Variants in DPP6 observed in about 807,000 individuals in gnomAD.
DPP6 encodes dipeptidyl peptidase like 6, also known as A-type potassium channel modulatory protein DPP6.
A neutral mutation model predicts 122.6 loss-of-function variants in DPP6; 69 were observed. That is an observed-to-expected ratio of 0.56 (90% confidence interval 0.46 to 0.69). The LOEUF is 0.69. Ranked by LOEUF, DPP6 falls within the 30% of genes least tolerant of loss-of-function variation. The probability of loss-of-function intolerance (pLI) is 0.00; values close to 1 mark genes in which losing one functional copy is unlikely to be tolerated. For synonymous variants in DPP6, 418 were observed against 433.1 expected, an observed-to-expected ratio of 0.97 and a Z score of 0.43; for missense variants, 928 against 1,116.9, an observed-to-expected ratio of 0.83 and a Z score of 2.41.
At chr7:154,675,240 G>A (rs78939730) in intron 7 of DPP6, among the ~76,000 whole-genome samples, 14 of 152,252 alleles carry the variant, frequency 9.2e-5, no homozygotes, top group African/African-American at 3.1e-4. Context: ...ATAGCATTAG[G>A]AGAAATACCT....
intron 16 of DPP6, among the ~76,000 whole-genome samples, chr7:154,829,807 C>G (rs1800489833): frequency 6.6e-6 from 1 of 152,124 alleles, no homozygotes; most frequent in Non-Finnish European, 1.5e-5. Flanking sequence ...TCAAAGCCCT[C>G]CCACCCTTCA....
At chr7:154,721,851 G>C (rs1189002319) in intron 7 of DPP6, among the ~76,000 whole-genome samples, 1 of 152,064 alleles carries the variant, frequency 6.6e-6, no homozygotes, top group Non-Finnish European at 1.5e-5. Context: ...TGACTCACTT[G>C]CTCTTCACAT....
intron 7 of DPP6, among the ~76,000 whole-genome samples, chr7:154,694,612 C>CA (rs34382588): frequency 3.9e-4 from 57 of 147,868 alleles, no homozygotes; most frequent in South Asian, 1.3e-3. Context: ...GACTCCATCT[C>CA]AAAAAAAAAA....
At chr7:154,643,240 T>A (rs953727684) in intron 6 of DPP6, among the ~76,000 whole-genome samples, 1 of 145,138 alleles carries the variant, frequency 6.9e-6, no homozygotes, top group African/African-American at 2.7e-5. Context: ...TACTCAATAA[T>A]TTTTTTTATA....
chr7:153,880,254 T>C, the DPP6 span, among the ~76,000 whole-genome samples: 2 of 152,218 alleles, frequency 1.3e-5, no homozygotes, highest in Admixed American at 1.3e-4. Flanking sequence ...ATTGCTCTTC[T>C]ATAAAAGACT....
intron 1 of DPP6, among the ~76,000 whole-genome samples, chr7:154,074,678 A>G (rs1230600312): frequency 6.6e-6 from 1 of 152,248 alleles, no homozygotes; most frequent in Non-Finnish European, 1.5e-5. Context: ...AGGAATTGGC[A>G]TAAGAGACAC....
intron 16 of DPP6, among the ~76,000 whole-genome samples, chr7:154,853,366 T>C (rs1414024527): frequency 1.3e-5 from 2 of 152,186 alleles, no homozygotes; most frequent in African/African-American, 4.8e-5. Context: ...TTGGATGGAG[T>C]GACATCCTTC....
intron 1 of DPP6, among the ~76,000 whole-genome samples, chr7:154,351,380 G>T (rs1408032487): frequency 6.6e-6 from 1 of 152,174 alleles, no homozygotes; most frequent in Non-Finnish European, 1.5e-5. Flanking sequence ...TAGCTCGGGT[G>T]GAAACAGTGG....
intron 1 of DPP6, among the ~76,000 whole-genome samples, chr7:154,004,028 A>G (rs1238498654): frequency 1.3e-5 from 2 of 152,042 alleles, no homozygotes; most frequent in East Asian, 1.9e-4. Context: ...TGCTTAGATT[A>G]CTCTTAAGCT....
chr7:154,347,759 G>C (rs574823665), intron 1 of DPP6, among the ~76,000 whole-genome samples: 13 of 152,332 alleles, frequency 8.5e-5, no homozygotes, highest in African/African-American at 3.1e-4. Context: ...TAGAGGAGCA[G>C]AGTGAGGTAA....
exon 1 of DPP6, chr7:153,887,559 T>A (rs1798985407): frequency 6.2e-6 from 7 of 1,126,408 alleles, no homozygotes; most frequent in Non-Finnish European, 9.1e-6. Flanking sequence ...TGGAAGATTT[T>A]TTTTTCCTTC....
chr7:154,609,500 T>G (rs1365720295), intron 5 of DPP6, among the ~76,000 whole-genome samples: 1 of 152,256 alleles, frequency 6.6e-6, no homozygotes, highest in African/African-American at 2.4e-5. Flanking sequence ...GCCTGTGGTA[T>G]AATACACTAT....
At chr7:154,710,506 A>G (rs1169710858) in intron 7 of DPP6, among the ~76,000 whole-genome samples, 1 of 152,148 alleles carries the variant, frequency 6.6e-6, no homozygotes, top group African/African-American at 2.4e-5. Flanking sequence ...TATATGGCCT[A>G]TTGATGAAAC....
intron 1 of DPP6, among the ~76,000 whole-genome samples, chr7:154,239,658 T>C (rs1166518809): frequency 6.6e-6 from 1 of 152,026 alleles, no homozygotes; most frequent in East Asian, 1.9e-4. Context: ...TTACTAGTTA[T>C]GTTGTGGTGA....
the DPP6 span, among the ~76,000 whole-genome samples, chr7:153,863,297 G>A: frequency 4.8e-4 from 73 of 152,210 alleles, no homozygotes; most frequent in Non-Finnish European, 3.8e-4. Context: ...GTATTCCATG[G>A]TATATATGTA....
intron 10 of DPP6, among the ~76,000 whole-genome samples, chr7:154,779,143 C>T (rs1796849257): frequency 7.4e-6 from 1 of 134,830 alleles, no homozygotes; most frequent in Non-Finnish European, 1.6e-5. Context: ...CTATCACCAC[C>T]ACCCCCACCA....
chr7:154,168,957 CGACTT>C (rs1324037828), intron 1 of DPP6, among the ~76,000 whole-genome samples: 1 of 152,102 alleles, frequency 6.6e-6, no homozygotes, highest in Non-Finnish European at 1.5e-5. Context: ...TGGTAAGACT[CGACTT>C]GAACTAACCT....
At chr7:153,920,563 C>CTCTTTTT (rs1163238891) in intron 1 of DPP6, among the ~76,000 whole-genome samples, 2 of 88,690 alleles carry the variant, frequency 2.3e-5, no homozygotes, top group African/African-American at 4.6e-5. Context: ...TTATCTCTCT[C>CTCTTTTT]TTTTTTTTTT....
At chr7:153,996,754 T>C (rs188305546) in intron 1 of DPP6, among the ~76,000 whole-genome samples, 1 of 152,298 alleles carries the variant, frequency 6.6e-6, no homozygotes, top group East Asian at 1.9e-4. Context: ...TTTTACAGTC[T>C]ACAAACAACA....
Sources: allele counts gnomAD v4.1 joint callset (sites outside exome capture counted in the v4.1 genomes callset), GRCh38; gene constraint gnomAD v4.1.1; transcripts MANE v1.5; gene names NCBI Gene and HGNC (gene_info 2026-07-23, HGNC 2026-07-21).